Variants in C8A observed in about 807,000 individuals in gnomAD.
The protein encoded by C8A is complement component C8 alpha chain.
In C8A, 67 loss-of-function variants were observed where a neutral mutation model predicts 65.3. The observed-to-expected ratio is 1.03, with a 90% CI of 0.84 to 1.26. The LOEUF (loss-of-function observed/expected upper bound fraction) is 1.26, where lower values mean the gene tolerates loss of function less well. Among genes scored for constraint, C8A ranks in the 50% most tolerant of loss-of-function variants. The pLI, the probability that C8A is intolerant of heterozygous loss-of-function variation, is 0.00. For synonymous variants in C8A, 290 were observed against 259.4 expected (o/e 1.12, Z -1.13); for missense variants, 781 against 723.9 (o/e 1.08, Z -0.90).
At chr1:56,898,347 G>C (rs17114537) in intron 7 of C8A, among the ~76,000 whole-genome samples, 5,394 of 152,148 alleles carry the variant, frequency 0.035, 253 homozygotes, top group African/African-American at 0.11. Context: ...GAGAGCCTCT[G>C]CGTCTGGAAA....
chr1:56,904,573 A>G (rs995194177), intron 7 of C8A, among the ~76,000 whole-genome samples: 2 of 152,206 alleles, frequency 1.3e-5, no homozygotes, highest in Non-Finnish European at 2.9e-5. Context: ...AATAACTGAG[A>G]TTAGTAAAAT....
chr1:56,854,830 C>A lies in C8A; in HGVS notation c.-72C>A. ...CTTACAGGTCCCAGCCTGTAGACAT[C>A]TTTTACTCCAATTTCCTGAATAGAT... On this transcript the variant is annotated 5_prime_UTR_variant, in exon 1 of 11. Coordinates refer to ENST00000361249, the MANE Select transcript of C8A (RefSeq NM_000562.3). 1 of 1,341,800 alleles carries A rather than the reference C, an allele frequency of 7.5e-7. No homozygotes were observed. The highest frequency in any genetic ancestry group is 1.2e-5 in the South Asian group (1 of 81,222). The allele number at this position is 1,341,800 out of a possible 1,614,324, so 83.1% of individuals were successfully genotyped here.
chr1:56,894,671 C>T (rs1213239660), intron 7 of C8A, among the ~76,000 whole-genome samples: 3 of 152,150 alleles, frequency 2.0e-5, no homozygotes, highest in Non-Finnish European at 4.4e-5. Context: ...CATCCTCTTC[C>T]TCCTCCCTCC....
At chr1:56,859,017 A>G (rs1209853362) in intron 1 of C8A, among the ~76,000 whole-genome samples, 1 of 152,356 alleles carries the variant, frequency 6.6e-6, no homozygotes, top group East Asian at 1.9e-4. Flanking sequence ...AACCTGGTAC[A>G]TGGTAAGCCT....
chr1:56,906,173 A>G (rs143993653), intron 7 of C8A, among the ~76,000 whole-genome samples: 3 of 152,334 alleles, frequency 2.0e-5, no homozygotes, highest in Admixed American at 1.3e-4. Flanking sequence ...GTAGCTCTGA[A>G]AAAAGAGGGA....
intron 7 of C8A, among the ~76,000 whole-genome samples, chr1:56,898,943 C>A (rs892541490): frequency 1.6e-4 from 24 of 152,172 alleles, no homozygotes; most frequent in Admixed American, 1.2e-3. Flanking sequence ...ATGTTCATGG[C>A]TAAAGGCTCT....
intron 7 of C8A, 98 bp downstream of exon 7, chr1:56,886,265 T>A: frequency 6.8e-7 from 1 of 1,460,792 alleles, no homozygotes. Context: ...ATGGGTGATC[T>A]CATTTAGTTT....
At chr1:56,866,337 T>A (rs1644088149) in intron 1 of C8A, among the ~76,000 whole-genome samples, 1 of 152,262 alleles carries the variant, frequency 6.6e-6, no homozygotes, top group Non-Finnish European at 1.5e-5. Context: ...AAATATTTTT[T>A]AAATTTCTCA....
At chr1:56,894,993 A>G (rs986122436) in intron 7 of C8A, among the ~76,000 whole-genome samples, 5 of 152,304 alleles carry the variant, frequency 3.3e-5, no homozygotes, top group Non-Finnish European at 5.9e-5. Flanking sequence ...AGAGCATAAC[A>G]CATCTGGCAT....
chr1:56,864,704 G>C (rs1239158330), intron 1 of C8A, among the ~76,000 whole-genome samples: 2 of 152,126 alleles, frequency 1.3e-5, no homozygotes, highest in East Asian at 3.9e-4. Flanking sequence ...TTGATGTAGG[G>C]GGAATATTGT....
intron 4 of C8A, 135 bp downstream of exon 4, chr1:56,876,344 C>T: frequency 9.7e-7 from 1 of 1,033,170 alleles, no homozygotes; most frequent in Non-Finnish European, 1.5e-6. Context: ...TCTCATTGTC[C>T]CCAGAGATGG....
intron 9 of C8A, among the ~76,000 whole-genome samples, chr1:56,910,357 G>C (rs1004435574): frequency 6.6e-6 from 1 of 152,156 alleles, no homozygotes; most frequent in Admixed American, 6.5e-5. Flanking sequence ...ACGGGAACAA[G>C]ATCACTGCCA....
At position 56,893,811 on chromosome 1, in the gene C8A, G is replaced by A. The variant is rs1310362815; in HGVS notation, c.1096+7644G>A. On this transcript the variant is annotated intron_variant, in intron 7 of 10. Transcript: ENST00000361249. ...AAGCACTCAATAAATTTCAATTGCT[G>A]AAGTAGGTTCTGAGTCAGATTGCCT... is the stretch of plus-strand genomic sequence containing the variant. 3.3e-5 allele frequency among the ~76,000 whole-genome samples: 5 copies of A among 152,262 alleles called. No homozygotes were observed. In the East Asian group the frequency reaches 9.7e-4, roughly 29 times the overall value.
At chr1:56,887,786 C>T (rs878952725) in intron 7 of C8A, among the ~76,000 whole-genome samples, 15 of 152,078 alleles carry the variant, frequency 9.9e-5, no homozygotes, top group Admixed American at 2.6e-4. Flanking sequence ...ATATACACCA[C>T]GGAATACTAT....
intron 5 of C8A, among the ~76,000 whole-genome samples, chr1:56,883,183 C>T (rs981549244): frequency 6.6e-5 from 10 of 152,054 alleles, no homozygotes; most frequent in South Asian, 2.1e-4. Context: ...AAGAAATCCA[C>T]GCTCAGAGCA....
Position 56,888,340 on chromosome 1 carries a change from TA to T in C8A, c.1096+2181del, listed in dbSNP as rs553265183. Among the ~76,000 whole-genome samples, 557 of 152,174 alleles carry T rather than the reference TA, an allele frequency of 3.7e-3. 3 individuals carry two copies. The highest frequency in any genetic ancestry group is 0.013 in the African/African-American group (522 of 41,508). ...TAATTCATCCGTCTACATATTCATT[TA>T]AAAAAAATTCAAATGCTCTAATGAG... On this transcript the variant is annotated intron_variant, in intron 7 of 10. Transcript: ENST00000361249.
At chr1:56,872,301 A>G (rs1253522467) in intron 2 of C8A, among the ~76,000 whole-genome samples, 1 of 152,228 alleles carries the variant, frequency 6.6e-6, no homozygotes, top group Non-Finnish European at 1.5e-5. Flanking sequence ...GTTGGAGAGC[A>G]CTATGCCATG....
At chr1:56,885,540 C>T (rs1644292276) in intron 6 of C8A, among the ~76,000 whole-genome samples, 1 of 143,456 alleles carries the variant, frequency 7.0e-6, no homozygotes, top group Non-Finnish European at 1.5e-5. Flanking sequence ...TGACCTTTTG[C>T]ATCCTTTCTT....
At chr1:56,878,764 C>A (rs1018586030) in intron 4 of C8A, among the ~76,000 whole-genome samples, 1 of 152,180 alleles carries the variant, frequency 6.6e-6, no homozygotes, top group Non-Finnish European at 1.5e-5. Context: ...TCCCTTCCCT[C>A]CCTAGAGCTG....
Sources: allele counts gnomAD v4.1 joint callset (sites outside exome capture counted in the v4.1 genomes callset), GRCh38; gene constraint gnomAD v4.1.1; transcripts MANE v1.5; gene names NCBI Gene and HGNC (gene_info 2026-07-23, HGNC 2026-07-21).